The following ASTN2 variants were observed in gnomAD, a reference collection of about 807,000 sequenced individuals.
ASTN2 encodes astrotactin-2.
A neutral mutation model predicts 139.8 loss-of-function variants in ASTN2; 54 were observed. The ratio of observed to expected loss-of-function variants is 0.39; its 90% CI spans 0.31 to 0.48. The LOEUF is 0.48. Among genes scored for constraint, ASTN2 ranks in the 20% least tolerant of loss-of-function variants. The pLI is 0.95. For missense variants in ASTN2, 1,565 were observed against 1,725.1 expected (o/e 0.91, Z 1.64); for synonymous variants, 756 against 719.5 (o/e 1.05, Z -0.81).
rs866494790 is a variant in ASTN2, at chr9:117,041,498, G to T, written c.1277-1533C>A. 5.9e-5 allele frequency among the ~76,000 whole-genome samples: 9 copies of T among 152,124 alleles called. No homozygotes were observed. The South Asian group carries it at 6.2e-4, about 10-fold the overall frequency. On this transcript the variant is annotated intron_variant, in intron 5 of 22. Transcript: ENST00000313400. ...TCTGTCTTCCTCCTTTACAGCATCT[G>T]AAGAGTTGTGTAGTGCTATTTATTC...
At chr9:117,236,918 G>T (rs1467880141) in intron 2 of ASTN2, among the ~76,000 whole-genome samples, 7 of 152,108 alleles carry the variant, frequency 4.6e-5, no homozygotes, top group Non-Finnish European at 8.8e-5. Context: ...AACAGTAAAG[G>T]GAGTTATCCC....
chr9:116,666,398 C>T (rs939152677), intron 16 of ASTN2, among the ~76,000 whole-genome samples: 2 of 152,052 alleles, frequency 1.3e-5, no homozygotes, highest in Admixed American at 1.3e-4. Flanking sequence ...ATTATGAATG[C>T]CATTAACAAA....
chr9:116,619,042 C>CA (rs1035767264), intron 18 of ASTN2, among the ~76,000 whole-genome samples: 1 of 151,852 alleles, frequency 6.6e-6, no homozygotes, highest in Admixed American at 6.6e-5. Flanking sequence ...GGGAAAGGCT[C>CA]AAAAAAAGGA....
chr9:117,199,446 A>T (rs1439725669), intron 3 of ASTN2, among the ~76,000 whole-genome samples: 1 of 151,986 alleles, frequency 6.6e-6, no homozygotes, highest in Non-Finnish European at 1.5e-5. Context: ...GTGTGGTGTT[A>T]TTTCTGAAGT....
intron 3 of ASTN2, among the ~76,000 whole-genome samples, chr9:117,150,692 C>T (rs1830308630): frequency 6.6e-6 from 1 of 152,082 alleles, no homozygotes; most frequent in Admixed American, 6.5e-5. Flanking sequence ...GTGTCTGATA[C>T]AGAGTAAGCA....
At chr9:116,988,373 C>T (rs890462297) in intron 7 of ASTN2, among the ~76,000 whole-genome samples, 9 of 152,142 alleles carry the variant, frequency 5.9e-5, no homozygotes, top group African/African-American at 2.2e-4. Context: ...ATTGCTATGA[C>T]TACTATTAGG....
chr9:117,218,427 G>T (rs183139675), intron 2 of ASTN2, among the ~76,000 whole-genome samples: 1 of 152,144 alleles, frequency 6.6e-6, no homozygotes, highest in South Asian at 2.1e-4. Flanking sequence ...GCAAGAACTT[G>T]GTCAAAGCAG....
At chr9:116,719,191 G>A (rs1828406930) in intron 16 of ASTN2, among the ~76,000 whole-genome samples, 1 of 151,584 alleles carries the variant, frequency 6.6e-6, no homozygotes, top group Admixed American at 6.6e-5. Flanking sequence ...TGGCAACAGT[G>A]AGGAAGAAAA....
chr9:117,160,155 C>T (rs1241757947), intron 3 of ASTN2, among the ~76,000 whole-genome samples: 2 of 152,012 alleles, frequency 1.3e-5, no homozygotes, highest in Non-Finnish European at 2.9e-5. Context: ...ACCCTGCCCA[C>T]AGTGGCCAAT....
intron 1 of ASTN2, among the ~76,000 whole-genome samples, chr9:117,305,317 G>C (rs1834972209): frequency 6.6e-6 from 1 of 152,180 alleles, no homozygotes; most frequent in African/African-American, 2.4e-5. Flanking sequence ...ACTTTAAATA[G>C]AATGTTCCCT....
intron 3 of ASTN2, among the ~76,000 whole-genome samples, chr9:117,192,590 A>C (rs746211909): frequency 2.4e-4 from 36 of 152,334 alleles, no homozygotes; most frequent in Non-Finnish European, 2.6e-4. Context: ...CCCATGCTAT[A>C]CCATTTTGAC....
At chr9:116,482,806 G>C (rs7858153) in intron 20 of ASTN2, among the ~76,000 whole-genome samples, 1 of 152,082 alleles carries the variant, frequency 6.6e-6, no homozygotes, top group African/African-American at 2.4e-5. Flanking sequence ...ACAGTCCCCA[G>C]GCTCCCTTGG....
intron 3 of ASTN2, chr9:117,180,564 G>A: frequency 1.4e-6 from 1 of 735,324 alleles, no homozygotes; most frequent in Non-Finnish European, 2.2e-6. Flanking sequence ...CACACTCACA[G>A]CAATCATTTA....
intron 10 of ASTN2, among the ~76,000 whole-genome samples, chr9:116,948,785 G>GTTTTTTTTTTTGTTTTTTTTTTTGTT (rs1835471236): frequency 2.0e-5 from 1 of 49,472 alleles, no homozygotes; most frequent in African/African-American, 8.6e-5. Context: ...ATAATTTGGT[G>GTTTTTTTTTTTGTTTTTTTTTTTGTT]TTTTTTTTTT....
chr9:117,088,419 A>G (rs188984194), intron 5 of ASTN2, among the ~76,000 whole-genome samples: 8 of 152,218 alleles, frequency 5.3e-5, no homozygotes, highest in Non-Finnish European at 1.0e-4. Context: ...CTTATATTTC[A>G]TAACAGGAGG....
intron 1 of ASTN2, among the ~76,000 whole-genome samples, chr9:117,398,333 C>T (rs964900461): frequency 9.2e-5 from 14 of 152,042 alleles, no homozygotes; most frequent in African/African-American, 2.9e-4. Context: ...GAATGGAGGC[C>T]GATGCTGTGG....
intron 5 of ASTN2, among the ~76,000 whole-genome samples, chr9:117,081,556 C>T (rs1450699500): frequency 6.6e-6 from 1 of 152,132 alleles, no homozygotes; most frequent in African/African-American, 2.4e-5. Context: ...AATTAGATTA[C>T]ATTATATGAC....
chr9:116,917,372 G>T (rs1370474771), intron 10 of ASTN2, among the ~76,000 whole-genome samples: 1 of 152,076 alleles, frequency 6.6e-6, no homozygotes, highest in Non-Finnish European at 1.5e-5. Context: ...AGAGGGCAGG[G>T]TCCATGTCTA....
At chr9:116,791,219 A>G (rs1016564427) in intron 13 of ASTN2, among the ~76,000 whole-genome samples, 4 of 152,306 alleles carry the variant, frequency 2.6e-5, no homozygotes, top group Non-Finnish European at 4.4e-5. Flanking sequence ...GTTAACTCAC[A>G]AATGAGAACT....
Sources: gnomAD v4.1 joint callset for allele counts (sites outside exome capture counted in the v4.1 genomes callset) on GRCh38, gnomAD v4.1.1 for gene constraint, MANE v1.5 for transcripts, NCBI Gene and HGNC (gene_info 2026-07-23, HGNC 2026-07-21) for gene names.